Variants in NME7 observed in about 807,000 individuals in gnomAD.
NME7 encodes NME/NM23 family member 7, also known as nucleoside diphosphate kinase 7.
Under a neutral mutation model 49.1 loss-of-function variants are expected in NME7, and 41 were observed. That is an observed-to-expected ratio of 0.83 (90% CI 0.65 to 1.08). NME7 has a LOEUF of 1.08. NME7 is among the 50% of genes least tolerant of loss of function. NME7 has a pLI of 0.00. For synonymous variants in NME7, 139 were observed against 150.6 expected (o/e 0.92, Z 0.56); for missense variants, 423 against 463.4 (o/e 0.91, Z 0.80).
At chr1:169,286,633 C>T (rs1161378927) in intron 7 of NME7, 1 of 152,024 alleles carries the variant, frequency 6.6e-6, no homozygotes, top group Non-Finnish European at 1.5e-5. Flanking sequence ...GAAATTTCTC[C>T]AGCCTTCTCA....
chr1:169,164,551 G>A (rs1659349383), intron 11 of NME7, among the ~76,000 whole-genome samples: 2 of 152,182 alleles, frequency 1.3e-5, no homozygotes, highest in African/African-American at 4.8e-5. Flanking sequence ...AACTTGCCCA[G>A]GAGTACAGAG....
chr1:169,133,581 C>T (rs1021409270), intron 11 of NME7, among the ~76,000 whole-genome samples: 55 of 152,214 alleles, frequency 3.6e-4, no homozygotes, highest in Admixed American at 1.2e-3. Context: ...TTGTGTGATG[C>T]GAAATTAGTA....
In NME7 at chr1:169,182,997, C is replaced by T. The variant is rs1659968944; in HGVS notation, c.991-13443G>A. On this transcript the variant is annotated intron_variant, in intron 10 of 11. Coordinates refer to ENST00000367811, the MANE Select transcript of NME7 (RefSeq NM_013330.5). ...TGTGAGGTGGTGGTTTTGTGTATCA[C>T]ATTTTCTCAAACTAGGACACACCTG... 2.6e-5 allele frequency among the ~76,000 whole-genome samples: 4 copies of T among 152,206 alleles called. No individual in the cohort carries two copies. The South Asian group carries it at 8.3e-4, about 32-fold the overall frequency.
chr1:169,189,961 C>G (rs1660170990), intron 10 of NME7, among the ~76,000 whole-genome samples: 2 of 151,992 alleles, frequency 1.3e-5, no homozygotes, highest in Non-Finnish European at 2.9e-5. Flanking sequence ...CAGGAGCCAA[C>G]AAAAGTTTTG....
At chr1:169,347,973 C>A (rs549517201) in intron 1 of NME7, among the ~76,000 whole-genome samples, 1 of 152,250 alleles carries the variant, frequency 6.6e-6, no homozygotes, top group African/African-American at 2.4e-5. Flanking sequence ...GATTTACATG[C>A]ATTGCAAATT....
At chr1:169,364,971 T>C (rs1354971417) in intron 1 of NME7, among the ~76,000 whole-genome samples, 1 of 152,186 alleles carries the variant, frequency 6.6e-6, no homozygotes, top group Non-Finnish European at 1.5e-5. Flanking sequence ...GGTCACAAGA[T>C]TTGTAACTTC....
In NME7 at chr1:169,354,366, G is replaced by A. The variant is rs115524369; in HGVS notation, c.3+13342C>T. On this transcript the variant is annotated intron_variant, in intron 1 of 11. Transcript: ENST00000367811. ...ATTGAACTCATGGAGATAGAGAGTA[G>A]AAGGCTGGGAAAGGTAGTAGGGGGT... 8.4e-3 allele frequency among the ~76,000 whole-genome samples: 1,278 copies of A among 152,110 alleles called. 16 individuals carry two copies. Among genetic ancestry groups the A allele is most frequent in the African/African-American group, 0.029 (1,197 of 41,524 alleles).
chr1:169,198,506 C>T (rs114300662), intron 10 of NME7, among the ~76,000 whole-genome samples: 6 of 152,000 alleles, frequency 3.9e-5, no homozygotes, highest in African/African-American at 7.2e-5. Flanking sequence ...TATATCCATA[C>T]AATGGATTAT....
At chr1:169,312,735 C>T (rs1436334111) in intron 3 of NME7, among the ~76,000 whole-genome samples, 1 of 152,044 alleles carries the variant, frequency 6.6e-6, no homozygotes, top group Non-Finnish European at 1.5e-5. Flanking sequence ...CAATAAATGT[C>T]CCAGACAGTA....
chr1:169,302,408 G>A (rs1198644679), intron 5 of NME7: 1 of 152,134 alleles, frequency 6.6e-6, no homozygotes, highest in African/African-American at 2.4e-5. Context: ...TATACACCAT[G>A]GAATACCATG....
At chr1:169,151,867 A>G (rs775371999) in intron 11 of NME7, among the ~76,000 whole-genome samples, 2 of 152,062 alleles carry the variant, frequency 1.3e-5, no homozygotes, top group African/African-American at 4.8e-5. Flanking sequence ...ACATGACCTG[A>G]TCTGAAGCCT....
chr1:169,218,928 A>C (rs971049277), intron 10 of NME7, among the ~76,000 whole-genome samples: 1 of 152,216 alleles, frequency 6.6e-6, no homozygotes, highest in Non-Finnish European at 1.5e-5. Flanking sequence ...GATCTTAAAT[A>C]CAACTTTTTC....
chr1:169,172,352 GTGTA>G (rs61036636), intron 10 of NME7, among the ~76,000 whole-genome samples: 51 of 61,630 alleles, frequency 8.3e-4, no homozygotes, highest in African/African-American at 2.2e-3. Flanking sequence ...GTGTGTGTGT[GTGTA>G]TGTGTATGTG....
At chr1:169,164,015 CAGG>C (rs1659327463) in intron 11 of NME7, among the ~76,000 whole-genome samples, 1 of 150,836 alleles carries the variant, frequency 6.6e-6, no homozygotes, top group African/African-American at 2.4e-5. Flanking sequence ...GAGGCTGAGG[CAGG>C]AGAATAGCTT....
At chr1:169,165,723 C>G (rs2101839242) in intron 11 of NME7, among the ~76,000 whole-genome samples, 1 of 152,246 alleles carries the variant, frequency 6.6e-6, no homozygotes, top group South Asian at 2.1e-4. Flanking sequence ...CTCATTTGGC[C>G]TTTATGTATT....
rs1201090995 is a variant in NME7 at position 169,235,854 on chromosome 1, A to G, written c.820-655T>C. ...AAGTGTGCTTACAAAGTAAGTCTAG[A>G]GGGACTTATTCTTATCAAGGCTGAA... On this transcript the variant is annotated intron_variant, in intron 8 of 11. Coordinates refer to ENST00000367811, the MANE Select transcript of NME7 (RefSeq NM_013330.5). Among the ~76,000 whole-genome samples, 20 of 152,128 alleles carry G rather than the reference A, an allele frequency of 1.3e-4. 1 individual carries two copies. The highest frequency in any genetic ancestry group is 1.3e-3 in the Admixed American group (20 of 15,252).
chr1:169,298,718 C>A lies in NME7; in HGVS notation c.486G>T (p.Glu162Asp). Reference sequence around the variant, plus strand: ...CACATATAGCATCATCTCTTAAAATCTCCATGGCAATAATAGGACCAGTTG... The same window carrying A: ...CACATATAGCATCATCTCTTAAAATATCCATGGCAATAATAGGACCAGTTG... Reference protein sequence around the residue: ...FITTGPIIAMEILRDDAICEW... With the variant: ...FITTGPIIAMDILRDDAICEW... Residue 162 changes from glutamate (E) to aspartate (D), a missense_variant, in exon 6 of 12, where the codon GAG becomes GAT. Coordinates refer to ENST00000367811, the MANE Select transcript of NME7 (RefSeq NM_013330.5). 1 of 1,613,810 alleles carries A rather than the reference C, an allele frequency of 6.2e-7. No individual in the cohort carries two copies. Among genetic ancestry groups the A allele is most frequent in the Non-Finnish European group, 8.5e-7 (1 of 1,179,850 alleles).
intron 11 of NME7, among the ~76,000 whole-genome samples, chr1:169,134,279 C>CA (rs1407377132): frequency 2.0e-5 from 3 of 152,350 alleles, no homozygotes; most frequent in African/African-American, 7.2e-5. Flanking sequence ...GCATATTTCT[C>CA]AGACTCTTCA....
chr1:169,219,161 C>T (rs1222475643), intron 10 of NME7, among the ~76,000 whole-genome samples: 1 of 152,170 alleles, frequency 6.6e-6, no homozygotes, highest in South Asian at 2.1e-4. Context: ...GCCTCAGCCC[C>T]ACCCCACTCA....
Sources: allele counts gnomAD v4.1 joint callset (sites outside exome capture counted in the v4.1 genomes callset), GRCh38; gene constraint gnomAD v4.1.1; transcripts MANE v1.5; gene names NCBI Gene and HGNC (gene_info 2026-07-23, HGNC 2026-07-21).